The following IKZF3 variants were observed in gnomAD, a reference collection of about 807,000 sequenced individuals.
The protein encoded by IKZF3 is IKAROS family zinc finger 3.
A neutral mutation model predicts 49.0 loss-of-function variants in IKZF3; 10 were observed. The ratio of observed to expected loss-of-function variants is 0.20; its 90% CI spans 0.13 to 0.35. The LOEUF is 0.35. Among genes scored for constraint, IKZF3 ranks in the 10% least tolerant of loss-of-function variants. IKZF3 has a pLI of 1.00. For missense variants in IKZF3, 498 were observed against 664.8 expected (o/e 0.75, Z 2.76); for synonymous variants, 209 against 228.2 (o/e 0.92, Z 0.76).
At chr17:39,853,921 A>G (rs1421450175) in intron 1 of IKZF3, among the ~76,000 whole-genome samples, 3 of 151,400 alleles carry the variant, frequency 2.0e-5, no homozygotes, top group Admixed American at 2.0e-4. Context: ...CGAGGTCTGG[A>G]GTTGGAGACC....
intron 1 of IKZF3, among the ~76,000 whole-genome samples, chr17:39,856,002 A>G (rs1292929172): frequency 1.3e-5 from 2 of 150,584 alleles, no homozygotes; most frequent in Non-Finnish European, 3.0e-5. Flanking sequence ...TTGTATATGT[A>G]CAATATAACA....
intron 1 of IKZF3, among the ~76,000 whole-genome samples, chr17:39,863,301 C>T (rs935737330): frequency 6.6e-6 from 1 of 152,012 alleles, no homozygotes; most frequent in Non-Finnish European, 1.5e-5. Flanking sequence ...GAGATTCTTC[C>T]ATTATTATGA....
In IKZF3 at chr17:39,758,581, GA is replaced by G. The variant is rs1358979526; in HGVS notation, c.*7208del. ...GGCTTTCTGGAGTGGGGTCAGTGGA[GA>G]GATGAACAGTGAGAAACATTTGAAA... On this transcript the variant is annotated 3_prime_UTR_variant, in exon 8 of 8. Coordinates refer to ENST00000346872, the MANE Select transcript of IKZF3 (RefSeq NM_012481.5). 1 of 152,056 alleles carries G rather than the reference GA, an allele frequency of 6.6e-6. No homozygotes were observed. 9.4% of individuals were successfully genotyped at this position (152,056 alleles called of 1,614,324 possible).
At chr17:39,822,860 G>T (rs1195777652) in intron 3 of IKZF3, among the ~76,000 whole-genome samples, 1 of 152,118 alleles carries the variant, frequency 6.6e-6, no homozygotes, top group Non-Finnish European at 1.5e-5. Flanking sequence ...GGGATTATAG[G>T]CATGAGCCAC....
At chr17:39,848,277 G>C (rs1254747392) in intron 1 of IKZF3, among the ~76,000 whole-genome samples, 3 of 152,180 alleles carry the variant, frequency 2.0e-5, no homozygotes, top group African/African-American at 7.2e-5. Context: ...TGGGGCACAG[G>C]TGAACTGCTG....
chr17:39,850,075 ATATGCATATATAC>A (rs1462860326), intron 1 of IKZF3, among the ~76,000 whole-genome samples: 1 of 73,604 alleles, frequency 1.4e-5, no homozygotes, highest in Non-Finnish European at 3.4e-5. Context: ...TATATATACT[ATATGCATATATAC>A]TATATAGCAT....
intron 1 of IKZF3, among the ~76,000 whole-genome samples, chr17:39,850,146 A>C (rs1295789789): frequency 7.0e-6 from 1 of 142,440 alleles, no homozygotes; most frequent in Non-Finnish European, 1.5e-5. Flanking sequence ...ATAGCATATT[A>C]TATATGTATA....
intron 6 of IKZF3, among the ~76,000 whole-genome samples, chr17:39,782,732 G>C (rs1315332257): frequency 6.6e-6 from 1 of 152,160 alleles, no homozygotes; most frequent in Non-Finnish European, 1.5e-5. Flanking sequence ...GTGTAATGCT[G>C]CAAGTGGTGG....
intron 7 of IKZF3, among the ~76,000 whole-genome samples, chr17:39,769,778 T>C (rs1236272482): frequency 6.6e-6 from 1 of 152,216 alleles, no homozygotes; most frequent in Non-Finnish European, 1.5e-5. Flanking sequence ...CTGGGTGGGG[T>C]AGGCACATCA....
Position 39,829,467 on chromosome 17 carries a change from T to C in IKZF3, c.83A>G (p.Asp28Gly). Residue 28 changes from aspartate to glycine, a missense_variant, in exon 3 of 8, where the codon GAC becomes GGC. Transcript: ENST00000346872. ...TTCATGAGATTTGGTTAAACTGTAG[T>C]CATTCAAAACCGCTGCACTTTCTAA... ...VPAESAAVLN[D>G]YSLTKSHEME... The C allele has an allele frequency of 6.2e-6, 10 of 1,613,768 alleles. No homozygotes were observed. The highest frequency in any genetic ancestry group is 8.5e-6 in the Non-Finnish European group (10 of 1,179,644).
chr17:39,827,685 G>A lies in IKZF3; in HGVS notation c.163+1702C>T, dbSNP rs2061995130. Among the ~76,000 whole-genome samples the A allele has an allele frequency of 2.0e-5, 3 of 152,158 alleles. No individual in the cohort carries two copies. The South Asian group carries it at 6.2e-4, about 31-fold the overall frequency. ...ACCTGGTTGTATACACAAATGGTCA[G>A]TACCACGAAAGAACCAGAACAGAAG... On this transcript the variant is annotated intron_variant, in intron 3 of 7. Coordinates refer to ENST00000346872, the MANE Select transcript of IKZF3 (RefSeq NM_012481.5).
chr17:39,811,186 G>A (rs922863311), intron 3 of IKZF3, among the ~76,000 whole-genome samples: 3 of 148,852 alleles, frequency 2.0e-5, no homozygotes, highest in African/African-American at 7.6e-5. Flanking sequence ...ACAGTGAACT[G>A]TGATTACACC....
chr17:39,837,863 C>T (rs766027154), intron 1 of IKZF3, among the ~76,000 whole-genome samples: 2 of 151,486 alleles, frequency 1.3e-5, no homozygotes, highest in Non-Finnish European at 2.9e-5. Context: ...AGGATGGTCT[C>T]GGTCTTCTGA....
chr17:39,809,759 G>C (rs934830807), intron 3 of IKZF3, among the ~76,000 whole-genome samples: 1 of 152,250 alleles, frequency 6.6e-6, no homozygotes, highest in Admixed American at 6.5e-5. Context: ...AAAAGAAAAG[G>C]CCTCTGAATA....
intron 7 of IKZF3, among the ~76,000 whole-genome samples, chr17:39,769,997 A>G (rs1325103323): frequency 1.3e-5 from 2 of 152,218 alleles, no homozygotes; most frequent in African/African-American, 4.8e-5. Flanking sequence ...TTCATTGTTA[A>G]GGAGATGGGG....
rs2060170902 is a variant in IKZF3 at position 39,761,016 on chromosome 17, A to C, written c.*4774T>G. On this transcript the variant is annotated 3_prime_UTR_variant, in exon 8 of 8. Coordinates refer to ENST00000346872, the MANE Select transcript of IKZF3 (RefSeq NM_012481.5). ...AAAATACAAAAAAAATTAGCTGTGC[A>C]TGGTGGTGTGCCTATAGTCCCAGCT... The C allele has an allele frequency of 1.3e-5, 2 of 152,210 alleles. No individual in the cohort carries two copies. The highest frequency in any genetic ancestry group is 2.4e-5 in the African/African-American group (1 of 41,404). The allele number at this position is 152,210 out of a possible 1,614,324, so 9.4% of individuals were successfully genotyped here.
chr17:39,819,604 T>C (rs1047640582), intron 3 of IKZF3, among the ~76,000 whole-genome samples: 1 of 152,156 alleles, frequency 6.6e-6, no homozygotes, highest in African/African-American at 2.4e-5. Context: ...ATCTCAGAAG[T>C]TTTAGACAAA....
At chr17:39,808,822 AAG>A (rs1212359627) in intron 3 of IKZF3, among the ~76,000 whole-genome samples, 14 of 152,252 alleles carry the variant, frequency 9.2e-5, no homozygotes, top group African/African-American at 3.4e-4. Flanking sequence ...ATAAAAATGC[AAG>A]AGAGAGTTCT....
rs1252238690 is a variant in IKZF3 at position 39,807,577 on chromosome 17, C to T, written c.164-14644G>A. On this transcript the variant is annotated intron_variant, in intron 3 of 7. Coordinates refer to ENST00000346872, the MANE Select transcript of IKZF3 (RefSeq NM_012481.5). The stretch of plus-strand genomic sequence containing the variant: ...TTTTTTTTTTTTTTTTTTGTAGAGA[C>T]GGGGCCTCTATATGTTTCCAGCTAC... 5.7e-5 allele frequency among the ~76,000 whole-genome samples: 5 copies of T among 87,754 alleles called. No individual in the cohort carries two copies. The South Asian group carries it at 1.2e-3, about 22-fold the overall frequency. 57.6% of individuals were successfully genotyped at this position (87,754 alleles called of 152,430 possible). A position where few individuals can be genotyped will look rare whatever the true frequency, so the allele number is the denominator to read the frequency against.
Sources: gnomAD v4.1 joint callset for allele counts (sites outside exome capture counted in the v4.1 genomes callset) on GRCh38, gnomAD v4.1.1 for gene constraint, MANE v1.5 for transcripts, NCBI Gene and HGNC (gene_info 2026-07-23, HGNC 2026-07-21) for gene names.